The following ADAM18 variants were observed in gnomAD, a reference collection of about 807,000 sequenced individuals.
ADAM18 encodes the protein ADAM metallopeptidase domain 18, also known as disintegrin and metalloproteinase domain-containing protein 18.
In ADAM18, 117 loss-of-function variants were observed where a neutral mutation model predicts 94.4. The ratio of observed to expected loss-of-function variants is 1.24; its 90% CI spans 1.07 to 1.45. ADAM18 has a LOEUF of 1.45. ADAM18 is among the 40% of genes most tolerant of loss of function. ADAM18 has a pLI of 0.00. For missense variants in ADAM18, 936 were observed against 880.0 expected, an observed-to-expected ratio of 1.06 and a Z score of -0.81; for synonymous variants, 327 against 291.6, an observed-to-expected ratio of 1.12 and a Z score of -1.24.
chr8:39,607,218 A>G (rs1165010306), intron 3 of ADAM18, among the ~76,000 whole-genome samples: 1 of 152,198 alleles, frequency 6.6e-6, no homozygotes, highest in Non-Finnish European at 1.5e-5. Flanking sequence ...GTTTTAGAAC[A>G]TTCTTTCCCC....
chr8:39,673,935 G>C (rs1401859524), intron 14 of ADAM18, among the ~76,000 whole-genome samples: 1 of 152,184 alleles, frequency 6.6e-6, no homozygotes, highest in African/African-American at 2.4e-5. Flanking sequence ...GTGCGGTTTT[G>C]AGAGAGTTTC....
At chr8:39,680,636 T>A (rs1821430643) in intron 16 of ADAM18, among the ~76,000 whole-genome samples, 2 of 152,172 alleles carry the variant, frequency 1.3e-5, no homozygotes, top group African/African-American at 4.8e-5. Context: ...CAAACAAGAA[T>A]CTATACTAGG....
intron 10 of ADAM18, among the ~76,000 whole-genome samples, chr8:39,641,496 C>T (rs1820234382): frequency 6.6e-6 from 1 of 152,012 alleles, no homozygotes; most frequent in Non-Finnish European, 1.5e-5. Flanking sequence ...TCCTACCCTC[C>T]ATCCTCTGAT....
intron 2 of ADAM18, among the ~76,000 whole-genome samples, chr8:39,590,885 T>G (rs1288004237): frequency 1.3e-5 from 2 of 152,198 alleles, no homozygotes; most frequent in Non-Finnish European, 2.9e-5. Context: ...ATAATACTTT[T>G]GCTTATTATT....
intron 16 of ADAM18, among the ~76,000 whole-genome samples, chr8:39,687,260 G>A (rs909872741): frequency 6.6e-6 from 1 of 152,138 alleles, no homozygotes; most frequent in African/African-American, 2.4e-5. Context: ...ATACTTAAAT[G>A]GCCATGCATG....
intron 18 of ADAM18, among the ~76,000 whole-genome samples, chr8:39,721,240 T>G (rs1439384345): frequency 6.6e-6 from 1 of 151,418 alleles, no homozygotes; most frequent in East Asian, 1.9e-4. Flanking sequence ...AAAAAATCTA[T>G]GTATTTCAAC....
At chr8:39,687,266 G>A (rs371643362) in intron 16 of ADAM18, among the ~76,000 whole-genome samples, 10 of 152,116 alleles carry the variant, frequency 6.6e-5, no homozygotes, top group African/African-American at 2.2e-4. Flanking sequence ...AAATGGCCAT[G>A]CATGGCACTT....
intron 18 of ADAM18, among the ~76,000 whole-genome samples, chr8:39,723,114 A>G (rs910343837): frequency 6.6e-6 from 1 of 151,472 alleles, no homozygotes; most frequent in African/African-American, 2.4e-5. Context: ...GATTTTGCTA[A>G]TATATTTACA....
chr8:39,647,224 A>G (rs2129579560), intron 11 of ADAM18, among the ~76,000 whole-genome samples: 1 of 130,180 alleles, frequency 7.7e-6, no homozygotes, highest in South Asian at 2.7e-4. Flanking sequence ...GATAATAAGG[A>G]GAAAGTCAGC....
At position 39,637,721 on chromosome 8, in the gene ADAM18, C is replaced by T; in HGVS notation, c.827+18C>T. On this transcript the variant is annotated intron_variant, in intron 9 of 19. Coordinates refer to ENST00000265707, the MANE Select transcript of ADAM18 (RefSeq NM_014237.3). ...TTACTTGTGTAAGCACAATGTTCTA[C>T]ATTAATAAAGATATCTGCATAATTA... The T allele has an allele frequency of 6.6e-7, 1 of 1,521,812 alleles. No individual in the cohort carries two copies. The highest frequency in any genetic ancestry group is 8.8e-7 in the Non-Finnish European group (1 of 1,134,884). The allele number at this position is 1,521,812 out of a possible 1,614,324, so 94.3% of individuals were successfully genotyped here.
chr8:39,708,833 C>T (rs539111860), intron 18 of ADAM18, among the ~76,000 whole-genome samples: 1 of 152,222 alleles, frequency 6.6e-6, no homozygotes, highest in Non-Finnish European at 1.5e-5. Context: ...GGTGCAGGGG[C>T]CAAGGTGCAG....
rs1193553749 is a variant in ADAM18, at chr8:39,669,685, G to A, written c.1525+1489G>A. Among the ~76,000 whole-genome samples, 29 of 152,046 alleles carry A rather than the reference G, an allele frequency of 1.9e-4. 1 individual carries two copies. In the South Asian group the frequency reaches 6.0e-3, roughly 32 times the overall value. ...CTGCATAGTATTCCATGGTGTATAT[G>A]TGCCACATTTTCTTAATCCAGTCCA... is the stretch of plus-strand genomic sequence containing the variant. On this transcript the variant is annotated intron_variant, in intron 14 of 19. Transcript: ENST00000265707.
At chr8:39,618,870 G>A (rs1305706565) in intron 6 of ADAM18, among the ~76,000 whole-genome samples, 2 of 152,172 alleles carry the variant, frequency 1.3e-5, no homozygotes, top group Non-Finnish European at 2.9e-5. Context: ...GCAGGGGGAA[G>A]CACATCACGC....
chr8:39,699,213 TG>T (rs1011365354), intron 17 of ADAM18, among the ~76,000 whole-genome samples: 1 of 152,098 alleles, frequency 6.6e-6, no homozygotes, highest in Non-Finnish European at 1.5e-5. Flanking sequence ...AAGTCTCACT[TG>T]TTTTTTATGG....
chr8:39,636,029 G>C (rs1446360679), intron 7 of ADAM18, among the ~76,000 whole-genome samples: 1 of 143,778 alleles, frequency 7.0e-6, no homozygotes, highest in Non-Finnish European at 1.5e-5. Flanking sequence ...TTTTGAGAGA[G>C]AGAGAGAGAG....
intron 6 of ADAM18, among the ~76,000 whole-genome samples, chr8:39,624,577 T>C (rs1351326191): frequency 1.3e-5 from 2 of 152,210 alleles, no homozygotes; most frequent in African/African-American, 2.4e-5. Flanking sequence ...AGTCAGGTCA[T>C]GTAGCGTCTC....
In ADAM18 at chr8:39,693,873, A is replaced by G. The variant is rs555349354; in HGVS notation, c.1902+1193A>G. ...TCTTACTGAGTCTAAGCAAATTTGC[A>G]TAGACTTTCTAATGACAGGTCTCAA... On this transcript the variant is annotated intron_variant, in intron 17 of 19. Coordinates refer to ENST00000265707, the MANE Select transcript of ADAM18 (RefSeq NM_014237.3). Among the ~76,000 whole-genome samples the G allele has an allele frequency of 7.3e-5, 11 of 151,432 alleles. No homozygotes were observed. In the South Asian group the frequency reaches 2.1e-3, roughly 29 times the overall value.
chr8:39,729,078 G>A (rs544157910), intron 19 of ADAM18, among the ~76,000 whole-genome samples: 74 of 152,228 alleles, frequency 4.9e-4, no homozygotes, highest in African/African-American at 1.8e-3. Context: ...GGTGTGAGGA[G>A]ATATCTCACT....
intron 7 of ADAM18, among the ~76,000 whole-genome samples, chr8:39,633,881 G>C (rs1820001828): frequency 6.6e-6 from 1 of 151,202 alleles, no homozygotes; most frequent in South Asian, 2.1e-4. Flanking sequence ...ATGTATGGGA[G>C]AGAATAGCAA....
Sources: gnomAD v4.1 joint callset for allele counts (sites outside exome capture counted in the v4.1 genomes callset) on GRCh38, gnomAD v4.1.1 for gene constraint, MANE v1.5 for transcripts, NCBI Gene and HGNC (gene_info 2026-07-23, HGNC 2026-07-21) for gene names.